The following FAM13A variants were observed in gnomAD, a reference collection of about 807,000 sequenced individuals.
FAM13A encodes the protein family with sequence similarity 13 member A, also known as protein FAM13A.
FAM13A carries 76 observed loss-of-function variants against 129.6 expected under a neutral mutation model. That is an observed-to-expected ratio of 0.59 (90% CI 0.49 to 0.71). The LOEUF (loss-of-function observed/expected upper bound fraction) is 0.71. FAM13A is among the 30% of genes least tolerant of loss of function. The pLI is 0.00. For synonymous variants in FAM13A, 443 were observed against 449.9 expected (o/e 0.98, Z 0.20); for missense variants, 1,108 against 1,249.3 (o/e 0.89, Z 1.70).
chr4:88,833,769 C>T (rs189084762), intron 7 of FAM13A, among the ~76,000 whole-genome samples: 47 of 152,058 alleles, frequency 3.1e-4, no homozygotes, highest in African/African-American at 1.1e-3. Context: ...GCCTGTAATC[C>T]CAGCTACTCG....
In FAM13A at chr4:88,742,270, G is replaced by T. The variant is rs889705387; in HGVS notation, c.2467-3145C>A. ...TCCTTACTCTTTGTTCAAAAACGAAGTTTTCTACTTGGAGTAGATGAGGAA... is the reference window on the plus strand; with the variant it reads ...TCCTTACTCTTTGTTCAAAAACGAATTTTTCTACTTGGAGTAGATGAGGAA... On this transcript the variant is annotated intron_variant, in intron 19 of 23. Coordinates refer to ENST00000264344, the MANE Select transcript of FAM13A (RefSeq NM_014883.4). 2.6e-5 allele frequency among the ~76,000 whole-genome samples: 4 copies of T among 152,198 alleles called. No homozygotes were observed. The East Asian group carries it at 7.7e-4, about 29-fold the overall frequency.
chr4:88,985,031 A>C (rs1343969939), intron 4 of FAM13A, among the ~76,000 whole-genome samples: 2 of 152,234 alleles, frequency 1.3e-5, no homozygotes, highest in East Asian at 3.8e-4. Flanking sequence ...AACTAGAAGT[A>C]ACACAAATAC....
At chr4:88,981,713 C>G (rs1009304927) in intron 4 of FAM13A, among the ~76,000 whole-genome samples, 48 of 152,174 alleles carry the variant, frequency 3.2e-4, no homozygotes, top group Admixed American at 1.9e-3. Flanking sequence ...ATGCATAGCT[C>G]TTTCACAAAG....
intron 3 of FAM13A, among the ~76,000 whole-genome samples, chr4:89,019,635 C>T (rs1484639323): frequency 1.3e-5 from 2 of 151,746 alleles, no homozygotes; most frequent in Non-Finnish European, 2.9e-5. Context: ...GTGGCGGGTG[C>T]CTGTAATCCC....
chr4:88,822,159 A>G (rs1011336794), intron 7 of FAM13A, among the ~76,000 whole-genome samples: 3 of 152,178 alleles, frequency 2.0e-5, no homozygotes, highest in African/African-American at 7.2e-5. Flanking sequence ...CTGCATGTAA[A>G]GCAGTTGAAG....
At chr4:88,925,817 C>T (rs1010103109) in intron 5 of FAM13A, among the ~76,000 whole-genome samples, 1 of 151,594 alleles carries the variant, frequency 6.6e-6, no homozygotes, top group Non-Finnish European at 1.5e-5. Context: ...AAAACCCCAA[C>T]TTATCCAAGG....
intron 4 of FAM13A, among the ~76,000 whole-genome samples, chr4:88,977,666 T>C (rs924109486): frequency 6.6e-6 from 1 of 152,144 alleles, no homozygotes; most frequent in South Asian, 2.1e-4. Context: ...GAGTAATCAT[T>C]TGTAGATCTA....
intron 4 of FAM13A, among the ~76,000 whole-genome samples, chr4:88,983,117 C>T (rs1761842269): frequency 6.6e-6 from 1 of 152,130 alleles, no homozygotes; most frequent in African/African-American, 2.4e-5. Flanking sequence ...TCCTACCTTC[C>T]TCTGTTCCTT....
chr4:88,908,933 T>C (rs1042127424), intron 5 of FAM13A, among the ~76,000 whole-genome samples: 2 of 152,208 alleles, frequency 1.3e-5, no homozygotes, highest in Non-Finnish European at 2.9e-5. Flanking sequence ...CCATGGTACT[T>C]AGATTTCTGG....
At chr4:89,017,047 G>C (rs1033808945) in intron 3 of FAM13A, among the ~76,000 whole-genome samples, 1 of 152,184 alleles carries the variant, frequency 6.6e-6, no homozygotes, top group African/African-American at 2.4e-5. Flanking sequence ...TTGCCTAAAA[G>C]CAACAGGCTA....
chr4:89,017,643 T>C (rs1766674366), intron 3 of FAM13A, among the ~76,000 whole-genome samples: 1 of 152,148 alleles, frequency 6.6e-6, no homozygotes, highest in African/African-American at 2.4e-5. Context: ...ACCAAATATT[T>C]TGCATTAAGC....
intron 23 of FAM13A, chr4:88,728,882 T>C: frequency 2.2e-6 from 1 of 450,618 alleles, no homozygotes; most frequent in South Asian, 2.8e-5. Context: ...ATATAGTTAA[T>C]CTGGCATCCT....
intron 3 of FAM13A, among the ~76,000 whole-genome samples, chr4:88,998,222 G>C (rs1763810127): frequency 6.6e-6 from 1 of 152,128 alleles, no homozygotes; most frequent in Non-Finnish European, 1.5e-5. Context: ...TAATAAATTT[G>C]CAATGCATTA....
intron 5 of FAM13A, among the ~76,000 whole-genome samples, chr4:88,921,917 C>T (rs1378681632): frequency 1.3e-5 from 2 of 151,950 alleles, no homozygotes; most frequent in East Asian, 3.9e-4. Context: ...TCTGATAAAA[C>T]AGACTTTAAA....
chr4:88,746,913 A>G lies in FAM13A; in HGVS notation c.2466+19T>C, dbSNP rs768653257. 2.8e-5 allele frequency: 43 copies of G among 1,561,914 alleles called. 1 individual carries two copies. The East Asian group carries it at 9.4e-4, about 34-fold the overall frequency. ...GCCAGATAATTGACCCCAATCAGAA[A>G]ATTTACTACATCACATACCGGCCGT... On this transcript the variant is annotated intron_variant, in intron 19 of 23. Coordinates refer to ENST00000264344, the MANE Select transcript of FAM13A (RefSeq NM_014883.4).
At chr4:88,790,196 A>G (rs1345854670) in intron 9 of FAM13A, among the ~76,000 whole-genome samples, 1 of 152,120 alleles carries the variant, frequency 6.6e-6, no homozygotes, top group African/African-American at 2.4e-5. Context: ...CACTCAGTCA[A>G]TGTAGGTTCA....
chr4:88,905,895 A>G (rs1274115176), intron 6 of FAM13A, among the ~76,000 whole-genome samples: 2 of 152,224 alleles, frequency 1.3e-5, no homozygotes, highest in Non-Finnish European at 2.9e-5. Context: ...TCCTCCCGCA[A>G]CACTCCCTCA....
At chr4:88,901,353 C>T (rs1747271061) in intron 6 of FAM13A, among the ~76,000 whole-genome samples, 1 of 152,130 alleles carries the variant, frequency 6.6e-6, no homozygotes, top group Non-Finnish European at 1.5e-5. Flanking sequence ...CTTCTCATCA[C>T]CACACAGCAC....
At chr4:88,801,772 G>GA (rs1462744942) in intron 8 of FAM13A, among the ~76,000 whole-genome samples, 1 of 152,126 alleles carries the variant, frequency 6.6e-6, no homozygotes, top group African/African-American at 2.4e-5. Context: ...GAAGTCTGAT[G>GA]AAATGGGATA....
Sources: gnomAD v4.1 joint callset for allele counts (sites outside exome capture counted in the v4.1 genomes callset) on GRCh38, gnomAD v4.1.1 for gene constraint, MANE v1.5 for transcripts, NCBI Gene and HGNC (gene_info 2026-07-23, HGNC 2026-07-21) for gene names.